The following BBS4 variants were observed in gnomAD, a reference collection of about 807,000 sequenced individuals.
The protein encoded by BBS4 is Bardet-Biedl syndrome 4, also known as BBSome complex member BBS4.
A neutral mutation model predicts 71.4 loss-of-function variants in BBS4; 58 were observed. The ratio of observed to expected loss-of-function variants is 0.81; its 90% CI spans 0.66 to 1.01. The LOEUF is 1.01. Among genes scored for constraint, BBS4 ranks in the 50% least tolerant of loss-of-function variants. The probability of loss-of-function intolerance (pLI) is 0.00; values close to 1 mark genes in which losing one functional copy is unlikely to be tolerated. For missense variants in BBS4, 660 were observed against 607.9 expected, an observed-to-expected ratio of 1.09 and a Z score of -0.90; for synonymous variants, 228 against 216.8, an observed-to-expected ratio of 1.05 and a Z score of -0.46.
At position 72,700,675 on chromosome 15, in the gene BBS4, G is replaced by A. The variant is rs143883352; in HGVS notation, c.76+5447G>A. 8.0e-3 allele frequency among the ~76,000 whole-genome samples: 1,214 copies of A among 151,874 alleles called. 12 individuals are homozygous for A. Among genetic ancestry groups the A allele is most frequent in the African/African-American group, 0.028 (1,154 of 41,384 alleles). On this transcript the variant is annotated intron_variant, in intron 2 of 15. Coordinates refer to ENST00000268057, the MANE Select transcript of BBS4 (RefSeq NM_033028.5). ...ACTTCTTAATATATTCTGAATGTAC[G>A]TCCTTTGTCTGTTATATATGTGGTA... is the stretch of plus-strand genomic sequence containing the variant.
intron 4 of BBS4, among the ~76,000 whole-genome samples, chr15:72,714,220 C>CTTTTTTTT (rs58123834): frequency 5.1e-5 from 5 of 98,448 alleles, no homozygotes; most frequent in Non-Finnish European, 5.6e-5. Flanking sequence ...CACTCACTTA[C>CTTTTTTTT]TTTTTTTTTT....
intron 1 of BBS4, among the ~76,000 whole-genome samples, chr15:72,690,416 TGA>T (rs1323188541): frequency 6.6e-6 from 1 of 152,232 alleles, no homozygotes; most frequent in African/African-American, 2.4e-5. Context: ...TGGAAAGTCT[TGA>T]GTAAAAGACT....
chr15:72,701,930 C>G (rs571125957), intron 2 of BBS4, among the ~76,000 whole-genome samples: 1 of 152,048 alleles, frequency 6.6e-6, no homozygotes, highest in South Asian at 2.1e-4. Flanking sequence ...CTTTGCCTCC[C>G]GGATTCAAGC....
chr15:72,716,338 A>T (rs557012482), intron 5 of BBS4, among the ~76,000 whole-genome samples: 12 of 152,282 alleles, frequency 7.9e-5, no homozygotes, highest in African/African-American at 2.9e-4. Context: ...GTTTTTGCAT[A>T]GAGCTTGGTT....
intron 2 of BBS4, among the ~76,000 whole-genome samples, chr15:72,696,464 A>G (rs964631824): frequency 4.6e-5 from 7 of 152,200 alleles, no homozygotes; most frequent in African/African-American, 1.7e-4. Context: ...AAGTTATAAA[A>G]GTTTAATTAC....
chr15:72,693,736 A>G (rs2065026494), intron 1 of BBS4, among the ~76,000 whole-genome samples: 1 of 152,214 alleles, frequency 6.6e-6, no homozygotes, highest in Non-Finnish European at 1.5e-5. Context: ...CCTGTGGGCC[A>G]TAGTTTGCTG....
intron 3 of BBS4, among the ~76,000 whole-genome samples, chr15:72,710,402 A>G (rs1468775499): frequency 2.0e-5 from 3 of 151,834 alleles, no homozygotes; most frequent in Non-Finnish European, 4.4e-5. Flanking sequence ...GGGTTTCACC[A>G]TATTGGCCAG....
chr15:72,711,457 G>C (rs931369337), intron 3 of BBS4, among the ~76,000 whole-genome samples: 4 of 152,052 alleles, frequency 2.6e-5, no homozygotes, highest in East Asian at 1.9e-4. Context: ...CCACCAGTAT[G>C]AATCTTGAAA....
chr15:72,687,198 A>AAC (rs1166091983), intron 1 of BBS4, among the ~76,000 whole-genome samples: 1 of 132,960 alleles, frequency 7.5e-6, no homozygotes, highest in Non-Finnish European at 1.5e-5. Flanking sequence ...GGCTCACTGC[A>AAC]ACCTCCGCCT....
At chr15:72,686,852 A>T (rs2064855004) in intron 1 of BBS4, 1 of 330,308 alleles carries the variant, frequency 3.0e-6, no homozygotes, top group Admixed American at 4.2e-5. Context: ...TAAAGTGCCA[A>T]GTGTGAAGCT....
rs748451463 is a variant in BBS4 at position 72,735,174 on chromosome 15, C to T, written c.1098C>T (p.His366=). Residue 366 remains histidine, a synonymous_variant, in exon 13 of 16, where the codon CAC becomes CAT. Coordinates refer to ENST00000268057, the MANE Select transcript of BBS4 (RefSeq NM_033028.5). ...AGAGAGCCTACGCAGAAGCAGTCCA[C>T]CTGGATAAGTATGCACTTTGTTGAG... The part of the protein sequence containing the change: ...NAKRAYAEAV[H]LDKCNPLVNL... The T allele has an allele frequency of 1.9e-6, 3 of 1,613,324 alleles. No homozygotes were observed. Among genetic ancestry groups the T allele is most frequent in the South Asian group, 2.2e-5 (2 of 91,050 alleles).
At chr15:72,705,351 A>G (rs1343364452) in intron 2 of BBS4, among the ~76,000 whole-genome samples, 1 of 152,202 alleles carries the variant, frequency 6.6e-6, no homozygotes, top group Non-Finnish European at 1.5e-5. Flanking sequence ...ACATTTGGTA[A>G]TAGGACAGTT....
intron 12 of BBS4, among the ~76,000 whole-genome samples, chr15:72,733,726 T>C (rs971065294): frequency 6.6e-6 from 1 of 152,210 alleles, no homozygotes; most frequent in African/African-American, 2.4e-5. Flanking sequence ...TAGTGCTGCA[T>C]TGAACACACA....
chr15:72,697,257 GAGA>G (rs1298261321), intron 2 of BBS4, among the ~76,000 whole-genome samples: 1 of 152,206 alleles, frequency 6.6e-6, no homozygotes, highest in Middle Eastern at 3.2e-3. Context: ...ATTAAGAAAA[GAGA>G]AGAACTATCA....
rs1343702152 is a variant in BBS4 at position 72,709,708 on chromosome 15, T to G, written c.85T>G (p.Phe29Val). 6.2e-7 allele frequency: 1 copy of G among 1,612,202 alleles called. No individual in the cohort carries two copies. The highest frequency in any genetic ancestry group is 1.7e-5 in the Admixed American group (1 of 60,000). The change falls in exon 3 of 16, where the codon TTT becomes GTT. Residue 29 changes from phenylalanine (F) to valine (V), a missense_variant. Physicochemically the swap from Phe to Val is conservative, Grantham distance 50. Coordinates refer to ENST00000268057, the MANE Select transcript of BBS4 (RefSeq NM_033028.5). Reference sequence around the variant, plus strand: ...CAAAATATGCTGCCTAGCTCCAGAGTTTCCTATTTTGGAGAAGCAGAACTG... The same window carrying G: ...CAAAATATGCTGCCTAGCTCCAGAGGTTCCTATTTTGGAGAAGCAGAACTG... ...QKPRQKKAPE[F>V]PILEKQNWLI... is the part of the protein sequence containing the mutation.
chr15:72,691,482 G>A (rs1331394287), intron 1 of BBS4, among the ~76,000 whole-genome samples: 4 of 151,636 alleles, frequency 2.6e-5, no homozygotes, highest in Admixed American at 6.6e-5. Context: ...TTAATATTTT[G>A]TACTTTTTAT....
In BBS4 at chr15:72,716,761, A is replaced by C; in HGVS notation, c.333-17A>C. On this transcript the variant is annotated splice_polypyrimidine_tract_variant and intron_variant, in intron 5 of 15. Transcript: ENST00000268057. ...AGAATTTTGAGGTAATAATTATGGA[A>C]AATATATCTTTTACAGATTTCTTTT... 1 of 1,576,044 alleles carries C rather than the reference A, an allele frequency of 6.3e-7. No individual in the cohort carries two copies. Among genetic ancestry groups the C allele is most frequent in the Non-Finnish European group, 8.7e-7 (1 of 1,149,468 alleles).
In BBS4 at chr15:72,721,151, T is replaced by C. The variant is rs892143292; in HGVS notation, c.406-1643T>C. ...CCAATGTTCTATAATATGGACATGA[T>C]TTGTGATTGAATAAAAAAAATTTTT... On this transcript the variant is annotated intron_variant, in intron 6 of 15. Transcript: ENST00000268057. Among the ~76,000 whole-genome samples the C allele has an allele frequency of 2.0e-5, 3 of 152,336 alleles. 1 individual carries two copies. The South Asian group carries it at 6.2e-4, about 32-fold the overall frequency.
chr15:72,710,882 C>G (rs2065357003), intron 3 of BBS4, among the ~76,000 whole-genome samples: 1 of 151,754 alleles, frequency 6.6e-6, no homozygotes, highest in Admixed American at 6.6e-5. Flanking sequence ...CCCCCGCTTT[C>G]CAGTTTCAAG....
Sources: gnomAD v4.1 joint callset for allele counts (sites outside exome capture counted in the v4.1 genomes callset) on GRCh38, gnomAD v4.1.1 for gene constraint, MANE v1.5 for transcripts, NCBI Gene and HGNC (gene_info 2026-07-23, HGNC 2026-07-21) for gene names.